The following CPAMD8 variants were observed in gnomAD, a reference collection of about 807,000 sequenced individuals.
CPAMD8 encodes C3 and PZP-like alpha-2-macroglobulin domain-containing protein 8.
Under a neutral mutation model 224.7 loss-of-function variants are expected in CPAMD8, and 146 were observed. The ratio of observed to expected loss-of-function variants is 0.65; its 90% CI spans 0.57 to 0.75. CPAMD8 has a LOEUF of 0.75. Among genes scored for constraint, CPAMD8 ranks in the 30% least tolerant of loss-of-function variants. The pLI is 0.00. For synonymous variants in CPAMD8, 966 were observed against 1,044.6 expected (o/e 0.92, Z 1.45); for missense variants, 2,301 against 2,537.5 (o/e 0.91, Z 2.00).
At chr19:17,012,285 C>T (rs1233946015) in intron 3 of CPAMD8, among the ~76,000 whole-genome samples, 2 of 150,842 alleles carry the variant, frequency 1.3e-5, no homozygotes, top group Admixed American at 6.6e-5. Context: ...TCCCAAAGTA[C>T]TGGGATTATA....
intron 29 of CPAMD8, chr19:16,910,635 G>C (rs2144805469): frequency 6.6e-6 from 1 of 152,458 alleles, no homozygotes; most frequent in East Asian, 1.9e-4. Context: ...TGGTCATCCT[G>C]CTCTCAAGAG....
rs770513772 is a variant in CPAMD8, at chr19:16,976,171, G to T, written c.1759-20C>A. 30 of 1,602,364 alleles carry T rather than the reference G, an allele frequency of 1.9e-5. No homozygotes were observed. The highest frequency in any genetic ancestry group is 2.5e-5 in the Non-Finnish European group (29 of 1,172,942). ...TGAAACCTTGGCGCAAATGCAGCAA[G>T]GGATAAGAAACTTGGTTCAGTTGGC... On this transcript the variant is annotated intron_variant, in intron 15 of 41. Transcript: ENST00000443236.
chr19:16,943,961 T>C (rs1420115934), intron 22 of CPAMD8, among the ~76,000 whole-genome samples: 2 of 152,162 alleles, frequency 1.3e-5, no homozygotes, highest in African/African-American at 4.8e-5. Context: ...GTGGAGATGA[T>C]TGAACACTCT....
At chr19:17,024,555 G>A (rs2057031870) in intron 1 of CPAMD8, among the ~76,000 whole-genome samples, 1 of 152,158 alleles carries the variant, frequency 6.6e-6, no homozygotes, top group South Asian at 2.1e-4. Flanking sequence ...AGAGAGTAAG[G>A]AATACGTGTT....
In CPAMD8 at chr19:16,969,886, AAAAC is replaced by A. The variant is rs1175680945; in HGVS notation, c.2213+1001_2213+1004del. On this transcript the variant is annotated intron_variant, in intron 18 of 41. Transcript: ENST00000443236. Reference sequence around the variant, plus strand: ...CAGGCTCCATCTCAAAAAAAAAAAAAAAACAAAAACAACGAAAAACTTACTAATA... The same window carrying A: ...CAGGCTCCATCTCAAAAAAAAAAAAAAAAAACAACGAAAAACTTACTAATA... 4.0e-5 allele frequency among the ~76,000 whole-genome samples: 6 copies of A among 149,890 alleles called. 1 individual carries two copies. The highest frequency in any genetic ancestry group is 7.4e-5 in the Non-Finnish European group (5 of 67,738).
intron 18 of CPAMD8, among the ~76,000 whole-genome samples, chr19:16,960,713 C>T (rs1438093620): frequency 6.6e-6 from 1 of 151,798 alleles, no homozygotes; most frequent in African/African-American, 2.4e-5. Context: ...ACCAGCCTGG[C>T]CAACATGGTG....
chr19:16,893,396 G>A (rs2051836670), intron 41 of CPAMD8, 57 bp from the exon 42 acceptor site: 11 of 1,247,042 alleles, frequency 8.8e-6, no homozygotes, highest in South Asian at 2.9e-5. Flanking sequence ...ACGGGGCCTC[G>A]GGCTGAGGAA....
At chr19:16,893,549 A>G in intron 41 of CPAMD8, 1 of 477,020 alleles carries the variant, frequency 2.1e-6, no homozygotes, top group Non-Finnish European at 3.7e-6. Context: ...TGAAATAAAT[A>G]CCACCCCGGA....
At chr19:17,021,948 A>G (rs1266089012) in intron 2 of CPAMD8, 82 bp downstream of exon 2, 1 of 1,316,078 alleles carries the variant, frequency 7.6e-7, no homozygotes, top group Non-Finnish European at 1.0e-6. Context: ...CAACACCCAC[A>G]CTGCCCCAGC....
intron 21 of CPAMD8, among the ~76,000 whole-genome samples, chr19:16,945,949 G>C (rs1313788882): frequency 6.6e-6 from 1 of 152,002 alleles, no homozygotes; most frequent in Non-Finnish European, 1.5e-5. Flanking sequence ...GTGTGCATTT[G>C]TGTGCACGAG....
chr19:16,987,180 ATATATATAT>A (rs1207509611), intron 13 of CPAMD8, among the ~76,000 whole-genome samples: 48 of 41,950 alleles, frequency 1.1e-3, no homozygotes, highest in African/African-American at 5.1e-3. Flanking sequence ...AAAAAAAAAA[ATATATATAT>A]ATATATATAT....
At position 16,975,167 on chromosome 19, in the gene CPAMD8, T is replaced by C. The variant is rs545088148; in HGVS notation, c.2000A>G (p.Gln667Arg). 36 of 1,612,622 alleles carry C rather than the reference T, an allele frequency of 2.2e-5. 1 individual carries two copies. In the South Asian group the frequency reaches 3.5e-4, roughly 16 times the overall value. ...GPFWWAGLTA[Q>R]RRRRSSVFPW... ...GAAGACAGAGGAGCGCCGGCGTCGT[T>C]GTGCCGTCAGCCCAGCCCACCAAAA... is the stretch of plus-strand genomic sequence containing the variant. Residue 667 changes from glutamine (Q) to arginine (R), a missense_variant, in exon 17 of 42, where the codon CAA becomes CGA. Around this residue, in one of 4 missense-constraint regions of CPAMD8, gnomAD observed 1,709 missense variants for 1,753.2 expected, o/e 0.97. Transcript: ENST00000443236.
In CPAMD8 at chr19:16,923,579, T is replaced by C. The variant is rs139413934; in HGVS notation, c.3548-1593A>G. On this transcript the variant is annotated intron_variant, in intron 26 of 41. Transcript: ENST00000443236. ...GGACCTTACTGGAAATAAAAGATCTTTACAGATGTCATTAAGGTTAGGATC... is the reference window on the plus strand; with the variant it reads ...GGACCTTACTGGAAATAAAAGATCTCTACAGATGTCATTAAGGTTAGGATC... 5.5e-4 allele frequency among the ~76,000 whole-genome samples: 84 copies of C among 152,290 alleles called. No homozygotes were observed. In the East Asian group the frequency reaches 0.013, roughly 24 times the overall value.
At chr19:16,988,276 CATT>C (rs1198702586) in intron 13 of CPAMD8, among the ~76,000 whole-genome samples, 18 of 152,278 alleles carry the variant, frequency 1.2e-4, no homozygotes, top group African/African-American at 4.1e-4. Context: ...TGGTGATCAT[CATT>C]GTCAGCCCTG....
chr19:16,902,739 G>T lies in CPAMD8; in HGVS notation c.4595C>A (p.Ser1532Tyr). 6.3e-7 allele frequency: 1 copy of T among 1,599,584 alleles called. No homozygotes were observed. The highest frequency in any genetic ancestry group is 1.3e-5 in the African/African-American group (1 of 74,734). The change falls in exon 35 of 42, where the codon TCC becomes TAC. Residue 1532 changes from serine to tyrosine, a missense_variant. Around this residue, in one of 4 missense-constraint regions of CPAMD8, gnomAD observed 1,709 missense variants for 1,753.2 expected, o/e 0.97. Transcript: ENST00000443236. ...PPMPASAAEGSRGDWPPADDD... is the reference protein window; with the variant it reads ...PPMPASAAEGYRGDWPPADDD... ...GTCAGCTGGGGGCCAGTCTCCTCGGGAACCCTCAGCTGCGGAGGCAGGCAT... is the reference window on the plus strand; with the variant it reads ...GTCAGCTGGGGGCCAGTCTCCTCGGTAACCCTCAGCTGCGGAGGCAGGCAT...
chr19:16,975,304 A>C, intron 16 of CPAMD8, 46 bp from the exon 17 acceptor site: 1 of 1,528,348 alleles, frequency 6.5e-7, no homozygotes, highest in Non-Finnish European at 8.9e-7. Context: ...AGTTTTCTTT[A>C]CAACCCAAAC....
chr19:16,947,007 G>A (rs1017131396), intron 21 of CPAMD8, 67 bp downstream of exon 21: 14 of 1,493,764 alleles, frequency 9.4e-6, no homozygotes, highest in African/African-American at 2.8e-5. Context: ...TCCCCAACTC[G>A]GGTCAATGCC....
chr19:17,003,183 G>A (rs2056386982), intron 8 of CPAMD8, among the ~76,000 whole-genome samples: 2 of 151,046 alleles, frequency 1.3e-5, no homozygotes, highest in Admixed American at 6.6e-5. Flanking sequence ...GATTACAGAC[G>A]TTAGCTGCCA....
Position 16,945,602 on chromosome 19 carries a change from C to T in CPAMD8, c.2740G>A (p.Asp914Asn), listed in dbSNP as rs773820824. The change falls in exon 22 of 42, where the codon GAC becomes AAC. Residue 914 changes from aspartate (D) to asparagine (N), a missense_variant. By Grantham distance (23) the Asp-to-Asn change is conservative (BLOSUM62 1). Around this residue, in one of 4 missense-constraint regions of CPAMD8, gnomAD observed 1,709 missense variants for 1,753.2 expected, o/e 0.97. Coordinates refer to ENST00000443236, the MANE Select transcript of CPAMD8 (RefSeq NM_015692.5). ...TCCACCCCGATGGGGACCCTCCTGT[C>T]GGCGTGATTCTCCTCAGGGTGTTTG... Reference protein sequence around the residue: ...SSKHPEENHADRRVPIGVDHV... With the variant: ...SSKHPEENHANRRVPIGVDHV... 9 of 1,614,208 alleles carry T rather than the reference C, an allele frequency of 5.6e-6. No individual in the cohort carries two copies. The highest frequency in any genetic ancestry group is 1.3e-5 in the African/African-American group (1 of 75,058).
Sources: gnomAD v4.1 joint callset for allele counts (sites outside exome capture counted in the v4.1 genomes callset) on GRCh38, gnomAD v4.1.1 for gene constraint, gnomAD v4.1.1 regional missense constraint, MANE v1.5 for transcripts, NCBI Gene and HGNC (gene_info 2026-07-23, HGNC 2026-07-21) for gene names.